The following NOX4 variants were observed in gnomAD, a reference collection of about 807,000 sequenced individuals.
The protein encoded by NOX4 is kidney oxidase-1.
NOX4 carries 69 observed loss-of-function variants against 87.6 expected under a neutral mutation model. The ratio of observed to expected loss-of-function variants is 0.79; its 90% CI spans 0.65 to 0.96. NOX4 has a LOEUF of 0.96. Ranked by LOEUF, NOX4 falls within the 40% of genes least tolerant of loss-of-function variation. NOX4 has a pLI of 0.00. For synonymous variants in NOX4, 275 were observed against 238.2 expected, an observed-to-expected ratio of 1.15 and a Z score of -1.42; for missense variants, 680 against 681.5, an observed-to-expected ratio of 1.00 and a Z score of 0.02.
chr11:89,525,648 T>C, the NOX4 span, among the ~76,000 whole-genome samples: 1 of 152,112 alleles, frequency 6.6e-6, no homozygotes, highest in Non-Finnish European at 1.5e-5. Flanking sequence ...GTTTTATAAA[T>C]CTTTTCTCCC....
At chr11:89,441,234 C>G (rs548890958) in intron 5 of NOX4, among the ~76,000 whole-genome samples, 2 of 152,212 alleles carry the variant, frequency 1.3e-5, no homozygotes, top group South Asian at 4.1e-4. Flanking sequence ...TGAGGATACT[C>G]AAATAAAAAC....
At chr11:89,375,943 C>A (rs1192058653) in intron 11 of NOX4, among the ~76,000 whole-genome samples, 1 of 152,174 alleles carries the variant, frequency 6.6e-6, no homozygotes, top group African/African-American at 2.4e-5. Context: ...TTGAGTTAAT[C>A]TCATAATGCA....
In NOX4 at chr11:89,344,918, C is replaced by CA. The variant is rs1178610739; in HGVS notation, c.1218-2726dup. On this transcript the variant is annotated intron_variant, in intron 13 of 17. Coordinates refer to ENST00000263317, the MANE Select transcript of NOX4 (RefSeq NM_016931.5). ...GAGGGGTATTATATAAAGGTAAAAA[C>CA]AAAAAAAGCTTCCAGGACAATTATC... 1.4e-4 allele frequency among the ~76,000 whole-genome samples: 22 copies of CA among 151,874 alleles called. No homozygotes were observed. In the South Asian group the frequency reaches 3.5e-3, roughly 24 times the overall value.
chr11:89,397,802 C>T (rs531572598), intron 11 of NOX4, among the ~76,000 whole-genome samples: 1 of 152,064 alleles, frequency 6.6e-6, no homozygotes, highest in African/African-American at 2.4e-5. Flanking sequence ...ATAACAGGCT[C>T]TGAAATTGAG....
chr11:89,457,664 C>T (rs978259899), intron 2 of NOX4, among the ~76,000 whole-genome samples: 3 of 152,160 alleles, frequency 2.0e-5, no homozygotes, highest in African/African-American at 7.2e-5. Context: ...CCTCAAACCA[C>T]AACCAAACTT....
At chr11:89,355,993 A>G (rs1009472885) in intron 12 of NOX4, among the ~76,000 whole-genome samples, 3 of 152,196 alleles carry the variant, frequency 2.0e-5, no homozygotes, top group African/African-American at 7.2e-5. Context: ...GATTTTATTT[A>G]TAAATAAAAA....
chr11:89,558,929 GA>G, the NOX4 span, among the ~76,000 whole-genome samples: 2 of 151,910 alleles, frequency 1.3e-5, no homozygotes, highest in African/African-American at 4.8e-5. Context: ...AGATACCAAG[GA>G]ATTAACACTC....
chr11:89,538,026 C>G, the NOX4 span, among the ~76,000 whole-genome samples: 1 of 152,174 alleles, frequency 6.6e-6, no homozygotes, highest in African/African-American at 2.4e-5. Flanking sequence ...TTTCTCCAGT[C>G]CCTGGCTCTC....
the NOX4 span, among the ~76,000 whole-genome samples, chr11:89,553,220 C>T: frequency 6.6e-6 from 1 of 152,132 alleles, no homozygotes; most frequent in African/African-American, 2.4e-5. Context: ...GTAATCCCTA[C>T]ATGTCAAGGG....
In NOX4 at chr11:89,369,706, T is replaced by C. The variant is rs1473544754; in HGVS notation, c.1135+3726A>G. ...GTATGAATATGAATTATGTAAAATC[T>C]GTGAGATTCCATATATCCAAATATG... On this transcript the variant is annotated intron_variant, in intron 12 of 17. Transcript: ENST00000263317. Among the ~76,000 whole-genome samples the C allele has an allele frequency of 7.9e-5, 12 of 151,780 alleles. No individual in the cohort carries two copies. In the East Asian group the frequency reaches 2.2e-3, roughly 27 times the overall value.
chr11:89,486,587 T>C (rs1173650367), intron 2 of NOX4, among the ~76,000 whole-genome samples: 2 of 137,538 alleles, frequency 1.5e-5, no homozygotes, highest in Non-Finnish European at 3.0e-5. Context: ...TGTGTGTATA[T>C]ATGTGTATAT....
Position 89,365,462 on chromosome 11 carries a change from A to C in NOX4, c.1135+7970T>G, listed in dbSNP as rs950794827. Among the ~76,000 whole-genome samples the C allele has an allele frequency of 6.9e-4, 105 of 152,108 alleles. 1 individual carries two copies. Among genetic ancestry groups the C allele is most frequent in the African/African-American group, 2.4e-3 (99 of 41,548 alleles). ...AAAAATGAAAGAGGGTGGGAAAAAA[A>C]AAAACAGTTTCAAAGAAAGTGAAGG... On this transcript the variant is annotated intron_variant, in intron 12 of 17. Coordinates refer to ENST00000263317, the MANE Select transcript of NOX4 (RefSeq NM_016931.5).
intron 2 of NOX4, among the ~76,000 whole-genome samples, chr11:89,463,930 T>C (rs1433198712): frequency 6.6e-6 from 1 of 152,036 alleles, no homozygotes; most frequent in East Asian, 1.9e-4. Context: ...TCTTTTGATC[T>C]GGCATTTGCA....
chr11:89,575,010 C>T, the NOX4 span, among the ~76,000 whole-genome samples: 1 of 152,078 alleles, frequency 6.6e-6, no homozygotes, highest in Admixed American at 6.6e-5. Flanking sequence ...TGGTAAAACC[C>T]CGTCTCTACT....
chr11:89,550,953 T>G, the NOX4 span, among the ~76,000 whole-genome samples: 105 of 152,344 alleles, frequency 6.9e-4, no homozygotes, highest in African/African-American at 2.5e-3. Context: ...CTTGAGTTAA[T>G]TTTTGTATAA....
At chr11:89,431,605 C>T (rs947287798) in intron 7 of NOX4, among the ~76,000 whole-genome samples, 2 of 152,176 alleles carry the variant, frequency 1.3e-5, no homozygotes, top group African/African-American at 2.4e-5. Context: ...AAAAAATGCT[C>T]ATCATCACTG....
chr11:89,336,042 C>G (rs1378274272), intron 16 of NOX4, 97 bp from the exon 17 acceptor site: 1 of 671,510 alleles, frequency 1.5e-6, no homozygotes, highest in Non-Finnish European at 2.6e-6. Context: ...CACCAAATTG[C>G]TGTGATATAA....
the NOX4 span, among the ~76,000 whole-genome samples, chr11:89,580,048 T>C: frequency 6.6e-6 from 1 of 152,210 alleles, no homozygotes; most frequent in Non-Finnish European, 1.5e-5. Context: ...GGACTTTAAA[T>C]GTAGCTCTAG....
chr11:89,459,430 A>T (rs1195983021), intron 2 of NOX4, among the ~76,000 whole-genome samples: 2 of 152,094 alleles, frequency 1.3e-5, no homozygotes, highest in East Asian at 3.9e-4. Flanking sequence ...CTGCACATGT[A>T]CCACTGATCC....
Sources: gnomAD v4.1 joint callset for allele counts (sites outside exome capture counted in the v4.1 genomes callset) on GRCh38, gnomAD v4.1.1 for gene constraint, MANE v1.5 for transcripts, NCBI Gene and HGNC (gene_info 2026-07-23, HGNC 2026-07-21) for gene names.